Variants in ZNF516 observed in about 807,000 individuals in gnomAD.
ZNF516 encodes the protein zinc finger protein 516.
Under a neutral mutation model 79.7 loss-of-function variants are expected in ZNF516, and 19 were observed. The ratio of observed to expected loss-of-function variants is 0.24; its 90% CI spans 0.17 to 0.35. The LOEUF is 0.35. Ranked by LOEUF, ZNF516 falls within the 10% of genes least tolerant of loss-of-function variation. The pLI, the probability that ZNF516 is intolerant of heterozygous loss-of-function variation, is 1.00. For missense variants in ZNF516, 1,678 were observed against 1,679.5 expected, an observed-to-expected ratio of 1.00 and a Z score of 0.02; for synonymous variants, 877 against 739.5, an observed-to-expected ratio of 1.19 and a Z score of -3.02.
chr18:76,414,875 T>C (rs1394843881), intron 3 of ZNF516, among the ~76,000 whole-genome samples: 2 of 152,226 alleles, frequency 1.3e-5, no homozygotes, highest in Non-Finnish European at 2.9e-5. Flanking sequence ...CTCACCACAA[T>C]GGATCAGCTC....
chr18:76,487,173 C>T (rs1914878969), intron 1 of ZNF516, among the ~76,000 whole-genome samples: 1 of 152,198 alleles, frequency 6.6e-6, no homozygotes, highest in East Asian at 1.9e-4. Flanking sequence ...ACAAATTACA[C>T]TGCTTTACAA....
intron 2 of ZNF516, among the ~76,000 whole-genome samples, chr18:76,462,610 G>A (rs938489094): frequency 2.0e-5 from 3 of 152,100 alleles, no homozygotes; most frequent in Non-Finnish European, 2.9e-5. Flanking sequence ...CAAAAACATC[G>A]CCCAACTGTA....
chr18:76,447,551 T>C (rs1055651008), intron 2 of ZNF516, among the ~76,000 whole-genome samples: 2 of 152,214 alleles, frequency 1.3e-5, no homozygotes, highest in Non-Finnish European at 2.9e-5. Context: ...ATAAAACTTG[T>C]GCATGTGAGC....
At position 76,459,994 on chromosome 18, in the gene ZNF516, A is replaced by G. The variant is rs1240845035; in HGVS notation, c.-158+3034T>C. 6.6e-6 allele frequency among the ~76,000 whole-genome samples: 1 copy of G among 152,180 alleles called. No individual in the cohort carries two copies. The highest frequency in any genetic ancestry group is 1.5e-5 in the Non-Finnish European group (1 of 68,028). ...ACTAGAATGCAGTCTTTTAACCACT[A>G]TCAACATACGCCAAGGAATGCTTCC... On this transcript the variant is annotated intron_variant, in intron 2 of 6. Transcript: ENST00000443185. This position sits in a 1 kb window ranked among gnomAD's most constrained non-coding sequence, Gnocchi z 5.0.
chr18:76,488,107 C>T (rs1914936747), intron 1 of ZNF516: 5 of 985,060 alleles, frequency 5.1e-6, no homozygotes, highest in Non-Finnish European at 6.0e-6. Context: ...CTCTCATACA[C>T]GGGGAGATGT....
At chr18:76,412,784 G>A (rs1057491376) in intron 3 of ZNF516, among the ~76,000 whole-genome samples, 1 of 152,152 alleles carries the variant, frequency 6.6e-6, no homozygotes, top group Non-Finnish European at 1.5e-5. Context: ...GGGCAACCAG[G>A]GATTCCATGG....
rs1234059596 is a variant in ZNF516, at chr18:76,379,811, T to C, written c.2303A>G (p.Lys768Arg). The change falls in exon 4 of 7, where the codon AAG becomes AGG. Residue 768 changes from lysine (K) to arginine (R), a missense_variant. Physicochemically the swap from Lys to Arg is conservative, Grantham distance 26. Transcript: ENST00000443185. ...VVHPCPYCSH[K>R]TYYPEVLWMH... ...CCACAGGACCTCGGGGTAGTAGGTC[T>C]TGTGGCTGCAGTAAGGACACGGGTG... is the stretch of plus-strand genomic sequence containing the variant. The C allele has an allele frequency of 8.1e-6, 13 of 1,613,846 alleles. No individual in the cohort carries two copies. Among genetic ancestry groups the C allele is most frequent in the East Asian group, 2.2e-5 (1 of 44,868 alleles).
chr18:76,373,458 G>A (rs2144963132), intron 4 of ZNF516, among the ~76,000 whole-genome samples: 1 of 152,348 alleles, frequency 6.6e-6, no homozygotes, highest in Non-Finnish European at 1.5e-5. Context: ...TACTCCGGTT[G>A]TCTGGATTTT....
At chr18:76,404,562 G>T (rs1387022935) in intron 3 of ZNF516, among the ~76,000 whole-genome samples, 1 of 151,842 alleles carries the variant, frequency 6.6e-6, no homozygotes, top group Non-Finnish European at 1.5e-5. Context: ...GCATGTGTTT[G>T]TATGTTTGTG....
intron 3 of ZNF516, among the ~76,000 whole-genome samples, chr18:76,406,110 C>T (rs1341691428): frequency 6.6e-6 from 1 of 152,310 alleles, no homozygotes; most frequent in African/African-American, 2.4e-5. Context: ...CACGGGACAC[C>T]CTGCAGCCCC....
Position 76,364,066 on chromosome 18 carries a change from G to A in ZNF516, c.3433-1509C>T, listed in dbSNP as rs369733430. On this transcript the variant is annotated intron_variant, in intron 6 of 6. Transcript: ENST00000443185. ...ACTGTTCCAGAGGCAACAGGAAGACGGCCCTCCGTCCATGAAGGGCTAACG... is the reference window on the plus strand; with the variant it reads ...ACTGTTCCAGAGGCAACAGGAAGACAGCCCTCCGTCCATGAAGGGCTAACG... Among the ~76,000 whole-genome samples the A allele has an allele frequency of 1.2e-4, 19 of 152,330 alleles. No homozygotes were observed. In the South Asian group the frequency reaches 3.5e-3, roughly 28 times the overall value.
At chr18:76,490,334 G>A (rs897396976) in intron 1 of ZNF516, 3 of 263,984 alleles carry the variant, frequency 1.1e-5, no homozygotes, top group Admixed American at 6.5e-5. Context: ...GTGGTATGTG[G>A]CATATTTAAT....
intron 1 of ZNF516, among the ~76,000 whole-genome samples, chr18:76,482,673 C>A (rs941321113): frequency 6.6e-6 from 1 of 152,186 alleles, no homozygotes; most frequent in Non-Finnish European, 1.5e-5. Flanking sequence ...GCAGCCCTGT[C>A]GTAAATTAGA....
intron 1 of ZNF516, among the ~76,000 whole-genome samples, chr18:76,478,777 T>TG (rs1308277256): frequency 1.3e-5 from 2 of 152,126 alleles, no homozygotes; most frequent in East Asian, 3.8e-4. Context: ...ACTGTGGGGC[T>TG]GGGCATGGTG....
At position 76,441,519 on chromosome 18, in the gene ZNF516, G is replaced by A. The variant is rs769391807; in HGVS notation, c.1536C>T (p.Gly512=). 8.7e-5 allele frequency: 138 copies of A among 1,584,030 alleles called. 2 individuals carry two copies. In the East Asian group the frequency reaches 3.2e-3, roughly 37 times the overall value. ...CGCACTCGAAGCACTCGGAGGACTT[G>A]CCCTGGCCGGTGGTGGCTGCGGCCC... ...NRRAAATTGQ[G]KSSECFECGK... is the part of the protein sequence containing the mutation. The change falls in exon 3 of 7, where the codon GGC becomes GGT. Residue 512 remains glycine (G), a synonymous_variant. Transcript: ENST00000443185.
rs373540251 is a variant in ZNF516, at chr18:76,360,646, A to AAAAAAAAAAT, written c.*1851_*1852insATTTTTTTTT. 84 of 72,452 alleles carry AAAAAAAAAAT rather than the reference A, an allele frequency of 1.2e-3. No homozygotes were observed. The highest frequency in any genetic ancestry group is 1.7e-3 in the African/African-American group (28 of 16,372). 4.5% of individuals were successfully genotyped at this position (72,452 alleles called of 1,614,324 possible). ...AAAAAAATAAGTAAAAAAAAAAAAAAATATATATATATATATATATATATA... is the reference window on the plus strand; with the variant it reads ...AAAAAAATAAGTAAAAAAAAAAAAAAAAAAAAAAATATATATATATATATATATATATATA... On this transcript the variant is annotated 3_prime_UTR_variant, in exon 7 of 7. Coordinates refer to ENST00000443185, the MANE Select transcript of ZNF516 (RefSeq NM_014643.4).
intron 3 of ZNF516, among the ~76,000 whole-genome samples, chr18:76,401,557 C>G (rs2554831): frequency 0.61 from 91,908 of 151,846 alleles, 27,890 homozygotes; most frequent in South Asian, 0.69. Flanking sequence ...TCTCCGCCCA[C>G]GGGCTTCTCC....
chr18:76,471,424 T>A (rs1322796169), intron 1 of ZNF516, among the ~76,000 whole-genome samples: 1 of 152,196 alleles, frequency 6.6e-6, no homozygotes, highest in Non-Finnish European at 1.5e-5. Flanking sequence ...ATTTCTCTGG[T>A]CAGACATGTG....
At chr18:76,475,524 A>C (rs1568323715) in intron 1 of ZNF516, among the ~76,000 whole-genome samples, 1 of 152,204 alleles carries the variant, frequency 6.6e-6, no homozygotes, top group Non-Finnish European at 1.5e-5. Context: ...CAAGTGCACA[A>C]ACTCGTATAT....
Sources: allele counts gnomAD v4.1 joint callset (sites outside exome capture counted in the v4.1 genomes callset), GRCh38; gene constraint gnomAD v4.1.1; non-coding constraint Gnocchi (gnomAD v3.1); transcripts MANE v1.5; gene names NCBI Gene and HGNC (gene_info 2026-07-23, HGNC 2026-07-21).